The following DAPK1 variants were observed in gnomAD, a reference collection of about 807,000 sequenced individuals.
DAPK1 encodes death associated protein kinase 1.
Under a neutral mutation model 144.9 loss-of-function variants are expected in DAPK1, and 56 were observed. That is an observed-to-expected ratio of 0.39 (90% CI 0.31 to 0.48). The LOEUF (loss-of-function observed/expected upper bound fraction) is 0.48. DAPK1 is among the 20% of genes least tolerant of loss of function. The pLI, the probability that DAPK1 is intolerant of heterozygous loss-of-function variation, is 0.95. For missense variants in DAPK1, 1,454 were observed against 1,875.4 expected (o/e 0.78, Z 4.15); for synonymous variants, 690 against 749.0 (o/e 0.92, Z 1.29).
At chr9:87,641,368 G>A (rs2119137461) in intron 9 of DAPK1, among the ~76,000 whole-genome samples, 1 of 152,204 alleles carries the variant, frequency 6.6e-6, no homozygotes, top group Non-Finnish European at 1.5e-5. Flanking sequence ...GGGCAGAAAG[G>A]GCTAAGGGTG....
intron 2 of DAPK1, among the ~76,000 whole-genome samples, chr9:87,541,473 A>C (rs1309003157): frequency 6.6e-6 from 1 of 151,540 alleles, no homozygotes; most frequent in Non-Finnish European, 1.5e-5. Context: ...TGCTTGAACC[A>C]GGGAGGCAAA....
chr9:87,555,298 T>G (rs1355381382), intron 2 of DAPK1, among the ~76,000 whole-genome samples: 1 of 152,194 alleles, frequency 6.6e-6, no homozygotes, highest in Admixed American at 6.5e-5. Context: ...AGGTCCCAGC[T>G]AAGCCTTGTC....
At chr9:87,636,054 G>A (rs764085097) in intron 3 of DAPK1, among the ~76,000 whole-genome samples, 3 of 152,350 alleles carry the variant, frequency 2.0e-5, no homozygotes, top group South Asian at 2.1e-4. Flanking sequence ...AGTGAGAAGC[G>A]GGAGGCCTTG....
In DAPK1 at chr9:87,651,679, G is replaced by A. The variant is rs1431865030; in HGVS notation, c.1779G>A (p.Val593=). ...VACKDGNMPI[V]VALCEANCNL... The stretch of plus-strand genomic sequence containing the variant: ...GTAAAGATGGCAACATGCCTATCGT[G>A]GTGGCCCTCTGTGAAGCAAACTGCA... The change falls in exon 17 of 26, where the codon GTG becomes GTA. Residue 593 remains valine, a synonymous_variant. Transcript: ENST00000408954. 1.9e-6 allele frequency: 3 copies of A among 1,614,066 alleles called. No homozygotes were observed. The highest frequency in any genetic ancestry group is 2.5e-6 in the Non-Finnish European group (3 of 1,180,038).
intron 21 of DAPK1, among the ~76,000 whole-genome samples, chr9:87,693,314 C>T (rs559221210): frequency 3.4e-4 from 51 of 151,182 alleles, no homozygotes; most frequent in Admixed American, 1.8e-3. Flanking sequence ...TTACAAAAGA[C>T]CTGTCTTCAA....
chr9:87,550,756 G>A (rs7866685), intron 2 of DAPK1, among the ~76,000 whole-genome samples: 28,743 of 151,806 alleles, frequency 0.19, 4,148 homozygotes, highest in African/African-American at 0.39. Flanking sequence ...GTTGTTTTAT[G>A]TACCAGTGGT....
chr9:87,515,780 C>T (rs1430147030), intron 2 of DAPK1, among the ~76,000 whole-genome samples: 1 of 152,174 alleles, frequency 6.6e-6, no homozygotes. Flanking sequence ...ACGTGGGTAA[C>T]AGCTTCCACC....
intron 3 of DAPK1, among the ~76,000 whole-genome samples, chr9:87,619,046 C>T (rs1216230749): frequency 6.6e-6 from 1 of 152,116 alleles, no homozygotes; most frequent in African/African-American, 2.4e-5. Flanking sequence ...GTCTCTTCCA[C>T]CCCACTTTGC....
intron 3 of DAPK1, among the ~76,000 whole-genome samples, chr9:87,608,167 C>T (rs1007884993): frequency 2.6e-5 from 4 of 152,126 alleles, no homozygotes; most frequent in Non-Finnish European, 4.4e-5. Flanking sequence ...AATTATAATC[C>T]GACATGAGAT....
chr9:87,642,112 G>A, intron 10 of DAPK1, 54 bp downstream of exon 10: 2 of 1,477,654 alleles, frequency 1.4e-6, no homozygotes, highest in Non-Finnish European at 1.9e-6. Context: ...GTGTAGAGTA[G>A]TGTGTGGTCA....
rs1385205336 is a variant in DAPK1 at position 87,706,324 on chromosome 9, C to T, written c.3253C>T (p.Leu1085Phe). The change falls in exon 26 of 26, where the codon CTC (leucine) becomes TTC (phenylalanine). Residue 1085 changes from leucine (L) to phenylalanine (F), a missense_variant. By Grantham distance (22) the Leu-to-Phe change is conservative. Coordinates refer to ENST00000408954, the MANE Select transcript of DAPK1 (RefSeq NM_004938.4). The surrounding 1 kb of genome is among the most constrained non-coding windows in gnomAD (Gnocchi z 9.0). Reference protein sequence around the residue: ...DSDVEELLQILDAMDICARDL... With the variant: ...DSDVEELLQIFDAMDICARDL... ...CGACGTGGAGGAGCTGCTGCAGATC[C>T]TCGATGCCATGGACATCTGCGCCCG... 1.2e-6 allele frequency: 2 copies of T among 1,608,466 alleles called. No individual in the cohort carries two copies. Among genetic ancestry groups the T allele is most frequent in the Middle Eastern group, 1.7e-4 (1 of 6,056 alleles).
intron 3 of DAPK1, 94 bp downstream of exon 3, chr9:87,605,269 G>C (rs1828675822): frequency 9.9e-7 from 1 of 1,005,408 alleles, no homozygotes; most frequent in Admixed American, 2.0e-5. Flanking sequence ...GAGCCCGAGA[G>C]AGGGATCAGG....
chr9:87,696,898 C>T (rs1434347230), intron 21 of DAPK1, 109 bp from the exon 22 acceptor site: 5 of 748,862 alleles, frequency 6.7e-6, no homozygotes, highest in Admixed American at 1.8e-5. Context: ...CAGAAGAATG[C>T]CATAAGTATC....
At chr9:87,642,168 C>T in intron 10 of DAPK1, 110 bp downstream of exon 10, 1 of 813,746 alleles carries the variant, frequency 1.2e-6, no homozygotes, top group Non-Finnish European at 2.0e-6. Flanking sequence ...TACATCCTTT[C>T]CTCTTTTTAA....
At position 87,576,588 on chromosome 9, in the gene DAPK1, C is replaced by T. The variant is rs137936895; in HGVS notation, c.63-28366C>T. ...TTTTGTTTTGTTTGAGACGGAGTCT[C>T]TCTCTATTTCCCAGGCTGGAGTGCA... On this transcript the variant is annotated intron_variant, in intron 2 of 25. Transcript: ENST00000408954. Among the ~76,000 whole-genome samples the T allele has an allele frequency of 2.9e-3, 445 of 152,190 alleles. 4 individuals are homozygous for T. Among genetic ancestry groups the T allele is most frequent in the African/African-American group, 0.01 (425 of 41,514 alleles).
At chr9:87,658,662 G>A (rs569918961) in intron 18 of DAPK1, among the ~76,000 whole-genome samples, 1 of 152,318 alleles carries the variant, frequency 6.6e-6, no homozygotes, top group African/African-American at 2.4e-5. Flanking sequence ...CCCTGCTCCC[G>A]ATGCCAGACC....
intron 2 of DAPK1, among the ~76,000 whole-genome samples, chr9:87,501,837 A>G (rs1461028304): frequency 6.6e-6 from 1 of 152,234 alleles, no homozygotes; most frequent in Non-Finnish European, 1.5e-5. Context: ...CTGCAGCAGT[A>G]ATAGAGCAGA....
At chr9:87,513,003 T>C (rs1587673945) in intron 2 of DAPK1, among the ~76,000 whole-genome samples, 1 of 152,182 alleles carries the variant, frequency 6.6e-6, no homozygotes, top group African/African-American at 2.4e-5. Context: ...GTTGGGTGGG[T>C]ATCTTTAGTT....
chr9:87,689,277 C>T (rs1219614438), intron 21 of DAPK1, among the ~76,000 whole-genome samples: 1 of 152,066 alleles, frequency 6.6e-6, no homozygotes, highest in African/African-American at 2.4e-5. Flanking sequence ...GTTATCTATT[C>T]TGTTCCACTG....
Sources: allele counts gnomAD v4.1 joint callset (sites outside exome capture counted in the v4.1 genomes callset), GRCh38; gene constraint gnomAD v4.1.1; non-coding constraint Gnocchi (gnomAD v3.1); transcripts MANE v1.5; gene names NCBI Gene and HGNC (gene_info 2026-07-23, HGNC 2026-07-21).